GRID2: variants seen among roughly 807,000 people sequenced by gnomAD.
GRID2 encodes glutamate ionotropic receptor delta type subunit 2, also known as glutamate receptor ionotropic, delta-2.
In GRID2, 33 loss-of-function variants were observed where a neutral mutation model predicts 114.8. The ratio of observed to expected loss-of-function variants is 0.29; its 90% confidence interval spans 0.22 to 0.38. The LOEUF is 0.38. Among genes scored for constraint, GRID2 ranks in the 10% least tolerant of loss-of-function variants. The pLI is 1.00. For synonymous variants in GRID2, 505 were observed against 449.9 expected (o/e 1.12, Z -1.55); for missense variants, 1,184 against 1,257.7 (o/e 0.94, Z 0.89).
At chr4:92,344,696 C>G (rs1337728560) in intron 1 of GRID2, among the ~76,000 whole-genome samples, 2 of 152,104 alleles carry the variant, frequency 1.3e-5, no homozygotes, top group African/African-American at 4.8e-5. Flanking sequence ...GGCTAGAATA[C>G]CTACCTGTGG....
intron 2 of GRID2, among the ~76,000 whole-genome samples, chr4:92,756,394 A>G (rs932466843): frequency 3.9e-5 from 6 of 152,198 alleles, no homozygotes; most frequent in African/African-American, 1.2e-4. Context: ...TAGTGCCGCA[A>G]TAAACATAGG....
chr4:93,704,604 C>G (rs1431797494), intron 14 of GRID2, among the ~76,000 whole-genome samples: 1 of 152,138 alleles, frequency 6.6e-6, no homozygotes, highest in Non-Finnish European at 1.5e-5. Context: ...TTCCCTTCTT[C>G]CCACCACTAC....
At chr4:93,649,863 T>C (rs773513416) in intron 14 of GRID2, among the ~76,000 whole-genome samples, 23 of 152,110 alleles carry the variant, frequency 1.5e-4, no homozygotes, top group Non-Finnish European at 2.8e-4. Flanking sequence ...CAAAACATTA[T>C]GATGTTCAGA....
exon 2 of GRID2, chr4:93,808,741 A>T (rs1449574093): frequency 6.6e-6 from 1 of 152,198 alleles, no homozygotes; most frequent in East Asian, 1.9e-4. Flanking sequence ...GTCCACAGAG[A>T]ACCCATTCTT....
intron 2 of GRID2, among the ~76,000 whole-genome samples, chr4:92,858,800 G>T (rs1016226453): frequency 6.6e-6 from 1 of 152,058 alleles, no homozygotes; most frequent in Admixed American, 6.6e-5. Flanking sequence ...CTTGTAATCC[G>T]CCTGCCTCAG....
chr4:93,632,755 A>G (rs1721041982), intron 14 of GRID2, among the ~76,000 whole-genome samples: 1 of 152,204 alleles, frequency 6.6e-6, no homozygotes, highest in South Asian at 2.1e-4. Context: ...TCTGTGAAGA[A>G]AGTCATTGGT....
At chr4:93,315,096 G>A (rs914744535) in intron 8 of GRID2, among the ~76,000 whole-genome samples, 1 of 152,078 alleles carries the variant, frequency 6.6e-6, no homozygotes, top group Non-Finnish European at 1.5e-5. Context: ...TTACATGGTG[G>A]CATGTAAGAG....
chr4:92,573,140 T>C (rs1241660774), intron 1 of GRID2, among the ~76,000 whole-genome samples: 1 of 152,180 alleles, frequency 6.6e-6, no homozygotes, highest in African/African-American at 2.4e-5. Flanking sequence ...CTGATGGTTG[T>C]CTGTATTTCT....
intron 2 of GRID2, among the ~76,000 whole-genome samples, chr4:92,604,296 C>T (rs895379454): frequency 5.3e-5 from 8 of 152,008 alleles, no homozygotes; most frequent in African/African-American, 1.5e-4. Context: ...TCCAAATGAC[C>T]GTCAATGATA....
chr4:93,378,355 A>G (rs980210141), intron 8 of GRID2, among the ~76,000 whole-genome samples: 3 of 152,122 alleles, frequency 2.0e-5, no homozygotes, highest in African/African-American at 7.2e-5. Flanking sequence ...ATAATGATTG[A>G]GTAAATATTC....
rs1459039400 is a variant in GRID2, at chr4:92,415,740, G to GTGTATA, written c.88+110997_88+110998insGTATAT. Among the ~76,000 whole-genome samples the GTGTATA allele has an allele frequency of 3.7e-3, 306 of 82,074 alleles. 2 individuals carry two copies. Among genetic ancestry groups the GTGTATA allele is most frequent in the African/African-American group, 9.7e-3 (237 of 24,346 alleles). The allele number at this position is 82,074 out of a possible 152,430, so 53.8% of individuals were successfully genotyped here. On this transcript the variant is annotated intron_variant, in intron 1 of 15. Coordinates refer to ENST00000282020, the MANE Select transcript of GRID2 (RefSeq NM_001510.4). ...TGTGTGTGTGTGTGTGTGTATGTGTGTATATATATATATATATATATATAT... is the reference window on the plus strand; with the variant it reads ...TGTGTGTGTGTGTGTGTGTATGTGTGTGTATATATATATATATATATATATATATAT...
At chr4:93,185,933 TTC>T (rs1194116113) in intron 4 of GRID2, among the ~76,000 whole-genome samples, 1 of 152,164 alleles carries the variant, frequency 6.6e-6, no homozygotes, top group Admixed American at 6.6e-5. Flanking sequence ...TGTGTGATGT[TTC>T]CCGCCCTGTG....
chr4:92,753,907 A>T (rs561878691), intron 2 of GRID2, among the ~76,000 whole-genome samples: 1 of 152,348 alleles, frequency 6.6e-6, no homozygotes, highest in Non-Finnish European at 1.5e-5. Flanking sequence ...CCATTGTTAA[A>T]TAATTATCAA....
chr4:93,281,986 A>C (rs1752696014), intron 8 of GRID2, among the ~76,000 whole-genome samples: 1 of 152,092 alleles, frequency 6.6e-6, no homozygotes, highest in Admixed American at 6.6e-5. Flanking sequence ...TATACAGTTA[A>C]AGTTGAATAA....
At chr4:93,145,590 C>G (rs1736139378) in intron 4 of GRID2, among the ~76,000 whole-genome samples, 1 of 141,536 alleles carries the variant, frequency 7.1e-6, no homozygotes, top group African/African-American at 2.6e-5. Context: ...TCCTGAGTAG[C>G]TGGAATTACA....
Position 92,452,943 on chromosome 4 carries a change from GGTGTGT to G in GRID2, c.89-137170_89-137165del, listed in dbSNP as rs10591876. On this transcript the variant is annotated intron_variant, in intron 1 of 15. Coordinates refer to ENST00000282020, the MANE Select transcript of GRID2 (RefSeq NM_001510.4). ...TATGATACATAGAGATAGACTGACA[GGTGTGT>G]GTGTGTGTGTGTGTGTGCATACACT... Among the ~76,000 whole-genome samples, 502 of 146,792 alleles carry G rather than the reference GGTGTGT, an allele frequency of 3.4e-3. 4 individuals are homozygous for G. Among genetic ancestry groups the G allele is most frequent in the African/African-American group, 0.012 (468 of 39,928 alleles).
intron 2 of GRID2, among the ~76,000 whole-genome samples, chr4:92,722,044 C>G (rs933350275): frequency 5.9e-5 from 9 of 152,106 alleles, no homozygotes; most frequent in African/African-American, 2.2e-4. Flanking sequence ...AGGTGGTAGC[C>G]TGAGTGATCA....
chr4:92,996,761 C>T (rs890751934), intron 2 of GRID2, among the ~76,000 whole-genome samples: 5 of 152,074 alleles, frequency 3.3e-5, no homozygotes, highest in South Asian at 2.1e-4. Flanking sequence ...TTCTGGCACC[C>T]GTTGGAGCAG....
chr4:93,666,087 A>C (rs1723922261), intron 14 of GRID2, among the ~76,000 whole-genome samples: 1 of 152,102 alleles, frequency 6.6e-6, no homozygotes, highest in Non-Finnish European at 1.5e-5. Context: ...AAATGTCTTG[A>C]ATGTAATAGA....
Sources: allele counts gnomAD v4.1 joint callset (sites outside exome capture counted in the v4.1 genomes callset), GRCh38; gene constraint gnomAD v4.1.1; transcripts MANE v1.5; gene names NCBI Gene and HGNC (gene_info 2026-07-23, HGNC 2026-07-21).